The following FSTL3 variants were observed in gnomAD, a reference collection of about 807,000 sequenced individuals.
FSTL3 encodes the protein follistatin-related protein 3.
A neutral mutation model predicts 28.1 loss-of-function variants in FSTL3; 21 were observed. That is an observed-to-expected ratio of 0.75 (90% CI 0.53 to 1.08). FSTL3 has a LOEUF of 1.08. Ranked by LOEUF, FSTL3 falls within the 50% of genes least tolerant of loss-of-function variation. The pLI is 0.00. For synonymous variants in FSTL3, 199 were observed against 164.2 expected (o/e 1.21, Z -1.62); for missense variants, 400 against 380.9 (o/e 1.05, Z -0.42).
chr19:678,607 T>G (rs1178508351), intron 2 of FSTL3, among the ~76,000 whole-genome samples: 2 of 145,102 alleles, frequency 1.4e-5, no homozygotes, highest in African/African-American at 5.0e-5. Flanking sequence ...GCCTCCGAGG[T>G]TCAGGTGATT....
chr19:680,418 A>C lies in FSTL3; in HGVS notation c.434A>C (p.Glu145Ala). ...TCAGACGGCGCCACCTACCGCGACG[A>C]GTGCGAGCTGCGCGCCGCGCGCTGC... ...CGSDGATYRDECELRAARCRG... is the reference protein window; with the variant it reads ...CGSDGATYRDACELRAARCRG... Residue 145 changes from glutamate to alanine, a missense_variant, in exon 3 of 5, where the codon GAG becomes GCG. By Grantham distance (107) the Glu-to-Ala change is moderately radical. Coordinates refer to ENST00000166139, the MANE Select transcript of FSTL3 (RefSeq NM_005860.3). 1 of 1,270,714 alleles carries C rather than the reference A, an allele frequency of 7.9e-7. No individual in the cohort carries two copies. The highest frequency in any genetic ancestry group is 9.9e-7 in the Non-Finnish European group (1 of 1,010,688). 78.7% of individuals were successfully genotyped at this position (1,270,714 alleles called of 1,614,324 possible). A position where few individuals can be genotyped will look rare whatever the true frequency, so the allele number is the denominator to read the frequency against.
chr19:680,785 C>T (rs2031316863), intron 3 of FSTL3: 1 of 312,002 alleles, frequency 3.2e-6, no homozygotes, highest in Non-Finnish European at 5.9e-6. Context: ...GTAAGGGCGT[C>T]TTTATACTTC....
intron 1 of FSTL3, among the ~76,000 whole-genome samples, chr19:677,078 G>A (rs73506011): frequency 0.012 from 1,797 of 152,292 alleles, 39 homozygotes; most frequent in African/African-American, 0.041. Context: ...GTGCCAAGGT[G>A]CTGCGTTCCA....
chr19:681,944 G>T lies in FSTL3; in HGVS notation c.*236G>T. 1 of 587,476 alleles carries T rather than the reference G, an allele frequency of 1.7e-6. No homozygotes were observed. 36.4% of individuals were successfully genotyped at this position (587,476 alleles called of 1,614,324 possible). On this transcript the variant is annotated 3_prime_UTR_variant, in exon 5 of 5. Coordinates refer to ENST00000166139, the MANE Select transcript of FSTL3 (RefSeq NM_005860.3). ...TCCGGACACTGAGCGCCTGATTTAG[G>T]GCCCTTCTCTAGGATGCCCCAGCCC...
chr19:682,771 G>C lies in FSTL3; in HGVS notation c.*1063G>C, dbSNP rs1207560278. 1.3e-5 allele frequency: 3 copies of C among 233,110 alleles called. No homozygotes were observed. 14.4% of individuals were successfully genotyped at this position (233,110 alleles called of 1,614,324 possible). On this transcript the variant is annotated 3_prime_UTR_variant, in exon 5 of 5. Transcript: ENST00000166139. ...AGCTCAGAGCAGGGCACTGTGTCCG[G>C]CGGAGCCAAGTCCACTCTGGGGGAG...
chr19:676,513 G>A lies in FSTL3; in HGVS notation c.90G>A (p.Gly30=). ...GCTTCGTGAGCTCCATGGGCTCGGG[G>A]AACCCCGCGCCCGGTGAGTGGGGCG... The part of the protein sequence containing the change: ...AVGFVSSMGS[G]NPAPGGVCWL... The change falls in exon 1 of 5, where the codon GGG becomes GGA. Residue 30 remains glycine (G), a synonymous_variant. Coordinates refer to ENST00000166139, the MANE Select transcript of FSTL3 (RefSeq NM_005860.3). The A allele has an allele frequency of 9.3e-7, 1 of 1,079,108 alleles. No homozygotes were observed. The highest frequency in any genetic ancestry group is 1.1e-6 in the Non-Finnish European group (1 of 875,972). 66.8% of individuals were successfully genotyped at this position (1,079,108 alleles called of 1,614,324 possible). A position where few individuals can be genotyped will look rare whatever the true frequency, so the allele number is the denominator to read the frequency against.
In FSTL3 at chr19:681,749, AT is replaced by A. The variant is rs2031341544; in HGVS notation, c.*42del. The A allele has an allele frequency of 6.7e-7, 1 of 1,487,870 alleles. No homozygotes were observed. The highest frequency in any genetic ancestry group is 9.2e-7 in the Non-Finnish European group (1 of 1,091,762). 92.2% of individuals were successfully genotyped at this position (1,487,870 alleles called of 1,614,324 possible). On this transcript the variant is annotated 3_prime_UTR_variant, in exon 5 of 5. Transcript: ENST00000166139. ...CTGGGCCTGGTGCCCGAGGCCCCCC[AT>A]CATCCCCTGTTATTTATTGCCACAG...
intron 1 of FSTL3, 36 bp downstream of exon 1, chr19:676,562 C>A: frequency 1.4e-6 from 1 of 705,276 alleles, no homozygotes; most frequent in African/African-American, 1.9e-5. Flanking sequence ...GCGGGGCGGG[C>A]CACCCACGTG....
intron 3 of FSTL3, 92 bp downstream of exon 3, chr19:680,581 G>A (rs2031309568): frequency 2.6e-6 from 2 of 779,930 alleles, no homozygotes; most frequent in Non-Finnish European, 3.4e-6. Flanking sequence ...AGGCGGGGGC[G>A]GGGCCTGGGG....
rs898425636 is a variant in FSTL3 at position 680,381 on chromosome 19, C to G, written c.397C>G (p.Gln133Glu). 3 of 1,279,660 alleles carry G rather than the reference C, an allele frequency of 2.3e-6. No homozygotes were observed. The highest frequency in any genetic ancestry group is 3.0e-6 in the Non-Finnish European group (3 of 1,016,348). The allele number at this position is 1,279,660 out of a possible 1,614,324, so 79.3% of individuals were successfully genotyped here. ...CTGCTCGGGGCTCCCGGCGCGGCTG[C>G]AGGTCTGCGGCTCAGACGGCGCCAC... ...PDCSGLPARLQVCGSDGATYR... is the reference protein window; with the variant it reads ...PDCSGLPARLEVCGSDGATYR... The change falls in exon 3 of 5, where the codon CAG becomes GAG. Residue 133 changes from glutamine to glutamate, a missense_variant. Physicochemically the swap from Gln to Glu is conservative, Grantham distance 29. Coordinates refer to ENST00000166139, the MANE Select transcript of FSTL3 (RefSeq NM_005860.3).
At chr19:678,658 G>A (rs539336328) in intron 2 of FSTL3, among the ~76,000 whole-genome samples, 7 of 151,886 alleles carry the variant, frequency 4.6e-5, no homozygotes, top group East Asian at 1.9e-4. Flanking sequence ...CTGCAGGCGC[G>A]CGCCACCACA....
At position 681,845 on chromosome 19, in the gene FSTL3, C is replaced by T. The variant is rs773597296; in HGVS notation, c.*137C>T. On this transcript the variant is annotated 3_prime_UTR_variant, in exon 5 of 5. Coordinates refer to ENST00000166139, the MANE Select transcript of FSTL3 (RefSeq NM_005860.3). The stretch of plus-strand genomic sequence containing the variant: ...TCGGACCACTTGGGGATCCCAGAAC[C>T]TCCCTGACGATATCCTGGAAGGACT... 2.2e-4 allele frequency: 169 copies of T among 770,780 alleles called. No individual in the cohort carries two copies. In the African/African-American group the frequency reaches 2.4e-3, roughly 11 times the overall value. The allele number at this position is 770,780 out of a possible 1,614,324, so 47.7% of individuals were successfully genotyped here.
At chr19:679,197 C>T (rs546662824) in intron 2 of FSTL3, among the ~76,000 whole-genome samples, 8 of 152,274 alleles carry the variant, frequency 5.3e-5, no homozygotes, top group Non-Finnish European at 1.0e-4. Context: ...CTCATCTGGC[C>T]CTGGGGACGG....
At chr19:678,096 C>T in intron 2 of FSTL3, 119 bp downstream of exon 2, 1 of 914,246 alleles carries the variant, frequency 1.1e-6, no homozygotes, top group Non-Finnish European at 1.6e-6. Context: ...ATGTAGGAGG[C>T]TGCAGGGGGA....
At chr19:676,550 G>A in intron 1 of FSTL3, 24 bp downstream of exon 1, 2 of 828,650 alleles carry the variant, frequency 2.4e-6, no homozygotes, top group Non-Finnish European at 3.1e-6. Flanking sequence ...CCAGAGGGGC[G>A]GGCGGGGCGG....
chr19:676,873 T>C (rs996819739), intron 1 of FSTL3, among the ~76,000 whole-genome samples: 2 of 151,470 alleles, frequency 1.3e-5, no homozygotes, highest in African/African-American at 4.8e-5. Flanking sequence ...GCCAGGGTTC[T>C]AGCCGCGACC....
chr19:681,200 G>GT, intron 3 of FSTL3, 133 bp from the exon 4 acceptor site: 2 of 615,198 alleles, frequency 3.3e-6, no homozygotes, highest in East Asian at 2.8e-5. Context: ...GCTCACGGGG[G>GT]GCGGGGGGGT....
rs1302138069 is a variant in FSTL3, at chr19:676,790, C to T, written c.103+264C>T. The stretch of plus-strand genomic sequence containing the variant: ...TGAACCTGTGCCATCCCGATAGTGC[C>T]GGAGCTCTCTTCATCTCCGTCTTCC... On this transcript the variant is annotated intron_variant, in intron 1 of 4. Coordinates refer to ENST00000166139, the MANE Select transcript of FSTL3 (RefSeq NM_005860.3). Among the ~76,000 whole-genome samples the T allele has an allele frequency of 2.0e-5, 3 of 152,292 alleles. No individual in the cohort carries two copies. In the Middle Eastern group the frequency reaches 0.01, roughly 518 times the overall value.
chr19:680,604 G>A, intron 3 of FSTL3, 115 bp downstream of exon 3: 1 of 556,804 alleles, frequency 1.8e-6, no homozygotes, highest in Non-Finnish European at 2.6e-6. Flanking sequence ...GGACCACCCG[G>A]ACCTGAGCGT....
Sources: allele counts gnomAD v4.1 joint callset (sites outside exome capture counted in the v4.1 genomes callset), GRCh38; gene constraint gnomAD v4.1.1; transcripts MANE v1.5; gene names NCBI Gene and HGNC (gene_info 2026-07-23, HGNC 2026-07-21).